The following CCDC88C variants were observed in gnomAD, a reference collection of about 807,000 sequenced individuals.
CCDC88C encodes coiled-coil and HOOK domain protein 88C, also known as protein Daple.
Under a neutral mutation model 198.8 loss-of-function variants are expected in CCDC88C, and 131 were observed. That is an observed-to-expected ratio of 0.66 (90% CI 0.57 to 0.76). The LOEUF is 0.76. Among genes scored for constraint, CCDC88C ranks in the 30% least tolerant of loss-of-function variants. The pLI is 0.00. For synonymous variants in CCDC88C, 1,166 were observed against 1,114.7 expected, an observed-to-expected ratio of 1.05 and a Z score of -0.92; for missense variants, 2,553 against 2,631.6, an observed-to-expected ratio of 0.97 and a Z score of 0.65.
Position 91,273,395 on chromosome 14 carries a change from G to C in CCDC88C, c.5317C>G (p.Pro1773Ala). 6.5e-7 allele frequency: 1 copy of C among 1,538,574 alleles called. No individual in the cohort carries two copies. Among genetic ancestry groups the C allele is most frequent in the African/African-American group, 1.4e-5 (1 of 72,678 alleles). ...PPSVAPRQAQ[P>A]PQSLSLGRPR... ...CTGCCCAGAGACAGGCTCTGGGGAG[G>C]CTGGGCCTGTCTCGGGGCCACGCTG... Residue 1773 changes from proline (P) to alanine (A), a missense_variant, in exon 30 of 30, where the codon CCT becomes GCT. Pro to Ala is a conservative substitution (Grantham distance 27). Around this residue, in one of 2 missense-constraint regions of CCDC88C, gnomAD observed 1,293 missense variants for 1,219.6 expected, o/e 1.06. Transcript: ENST00000389857. This position sits in a 1 kb window ranked among gnomAD's most constrained non-coding sequence, Gnocchi z 5.6.
At chr14:91,300,156 C>T (rs1891207876) in intron 20 of CCDC88C, 86 bp from the exon 21 acceptor site, 7 of 1,518,102 alleles carry the variant, frequency 4.6e-6, no homozygotes, top group Admixed American at 4.0e-5. Flanking sequence ...CTGCGTGCCT[C>T]CCGTGAGAAA....
Position 91,289,328 on chromosome 14 carries a change from A to G in CCDC88C, c.4218T>C (p.Ile1406=). The G allele has an allele frequency of 6.2e-7, 1 of 1,614,026 alleles. No individual in the cohort carries two copies. Among genetic ancestry groups the G allele is most frequent in the Non-Finnish European group, 8.5e-7 (1 of 1,179,878 alleles). Residue 1406 remains isoleucine (I), a synonymous_variant, in exon 25 of 30, where the codon ATT becomes ATC. Transcript: ENST00000389857. ...TGAGTTTGACTAAGGCTTTGGCTCC[A>G]ATCCAGTGGTTCTTCCTGGTTAGAA... is the stretch of plus-strand genomic sequence containing the variant. ...DPPPKKKNHW[I]GAKALVKLIK...
chr14:91,272,351 C>A lies in CCDC88C; in HGVS notation c.*274G>T. ...GGGGAAGTCAGTTTGTCATTGCATC[C>A]TAATTGGTCCCCATGCTGACGTGGA... On this transcript the variant is annotated 3_prime_UTR_variant, in exon 30 of 30. Coordinates refer to ENST00000389857, the MANE Select transcript of CCDC88C (RefSeq NM_001080414.4). The A allele has an allele frequency of 2.1e-6, 1 of 471,074 alleles. No individual in the cohort carries two copies. The highest frequency in any genetic ancestry group is 2.0e-5 in the African/African-American group (1 of 49,764). 29.2% of individuals were successfully genotyped at this position (471,074 alleles called of 1,614,324 possible).
chr14:91,318,970 T>C (rs541229311), intron 13 of CCDC88C, among the ~76,000 whole-genome samples: 1 of 150,128 alleles, frequency 6.7e-6, no homozygotes, highest in East Asian at 2.0e-4. Context: ...CCAGGTGTCC[T>C]GCCACAGTCA....
At chr14:91,393,680 C>A (rs1226726935) in intron 3 of CCDC88C, among the ~76,000 whole-genome samples, 1 of 152,162 alleles carries the variant, frequency 6.6e-6, no homozygotes, top group Non-Finnish European at 1.5e-5. Context: ...ATGGTGAAAC[C>A]CCATCTCTAC....
chr14:91,342,566 C>T lies in CCDC88C; in HGVS notation c.400-103G>A, dbSNP rs140078427. On this transcript the variant is annotated intron_variant, in intron 5 of 29. Transcript: ENST00000389857. ...CAGTTTCAAAAGGAACCACCCACCCCGGGCTTCTCCTTCATAACTAAGAAC... is the reference window on the plus strand; with the variant it reads ...CAGTTTCAAAAGGAACCACCCACCCTGGGCTTCTCCTTCATAACTAAGAAC... The T allele has an allele frequency of 2.0e-3, 1,545 of 755,770 alleles. 75 individuals carry two copies. The East Asian group carries it at 0.041, about 20-fold the overall frequency. The allele number at this position is 755,770 out of a possible 1,614,324, so 46.8% of individuals were successfully genotyped here.
At chr14:91,296,250 G>A (rs1441363412) in intron 22 of CCDC88C, among the ~76,000 whole-genome samples, 2 of 152,234 alleles carry the variant, frequency 1.3e-5, no homozygotes, top group Non-Finnish European at 2.9e-5. Flanking sequence ...CTCGTGACCT[G>A]TGTTCCACCC....
chr14:91,344,646 G>C (rs1049677412), intron 4 of CCDC88C, among the ~76,000 whole-genome samples: 11 of 151,544 alleles, frequency 7.3e-5, no homozygotes, highest in African/African-American at 2.4e-4. Flanking sequence ...CGAGTAGCTG[G>C]GACTACAGGC....
chr14:91,405,954 C>T (rs1324480508), intron 3 of CCDC88C, among the ~76,000 whole-genome samples: 3 of 152,276 alleles, frequency 2.0e-5, no homozygotes, highest in South Asian at 2.1e-4. Flanking sequence ...TGAGCTGGGC[C>T]GAGACTGCCA....
At chr14:91,372,542 C>G (rs868508569) in intron 3 of CCDC88C, among the ~76,000 whole-genome samples, 1,540 of 15,458 alleles carry the variant, frequency 0.1, 84 homozygotes, top group African/African-American at 0.22. Context: ...GGGGGGCGGG[C>G]GGGGGGGGGA....
intron 3 of CCDC88C, among the ~76,000 whole-genome samples, chr14:91,387,331 C>T (rs1050528673): frequency 3.9e-5 from 6 of 152,192 alleles, no homozygotes; most frequent in Non-Finnish European, 8.8e-5. Context: ...TGGAGAGTGC[C>T]AACGTCCGGG....
chr14:91,316,708 G>A (rs80239158), intron 13 of CCDC88C, among the ~76,000 whole-genome samples: 5,349 of 152,236 alleles, frequency 0.035, 318 homozygotes, highest in African/African-American at 0.12. Flanking sequence ...CACTGTGCCC[G>A]GCCAACCCTT....
At chr14:91,364,758 G>A (rs1357661368) in intron 3 of CCDC88C, among the ~76,000 whole-genome samples, 1 of 152,182 alleles carries the variant, frequency 6.6e-6, no homozygotes, top group East Asian at 1.9e-4. Flanking sequence ...GAAGCAAACT[G>A]AAGGTGGCCC....
chr14:91,394,924 G>T (rs1341886915), intron 3 of CCDC88C, among the ~76,000 whole-genome samples: 1 of 152,094 alleles, frequency 6.6e-6, no homozygotes, highest in East Asian at 1.9e-4. Context: ...ACGGGCCTTG[G>T]GTGGGGGGCC....
intron 3 of CCDC88C, among the ~76,000 whole-genome samples, chr14:91,374,699 C>G (rs1053717917): frequency 6.6e-6 from 1 of 152,248 alleles, no homozygotes; most frequent in African/African-American, 2.4e-5. Context: ...TTCCAACAGT[C>G]TGGCAGCATC....
chr14:91,368,486 T>C lies in CCDC88C; in HGVS notation c.271-8775A>G, dbSNP rs149207600. Among the ~76,000 whole-genome samples, 360 of 152,316 alleles carry C rather than the reference T, an allele frequency of 2.4e-3. 4 individuals carry two copies. Among genetic ancestry groups the C allele is most frequent in the Admixed American group, 5.7e-3 (87 of 15,290 alleles). On this transcript the variant is annotated intron_variant, in intron 3 of 29. Coordinates refer to ENST00000389857, the MANE Select transcript of CCDC88C (RefSeq NM_001080414.4). ...TCCAACTGTAAAATCCCAAATGCAA[T>C]AGTTTTATGAGCAAACTAAGCAAAA...
rs1193307313 is a variant in CCDC88C at position 91,313,905 on chromosome 14, T to G, written c.1911A>C (p.Leu637=). 3 of 1,611,396 alleles carry G rather than the reference T, an allele frequency of 1.9e-6. No homozygotes were observed. The South Asian group carries it at 3.3e-5, about 18-fold the overall frequency. The part of the protein sequence containing the change: ...GERAEKLERE[L]QRLQEENGRL... The stretch of plus-strand genomic sequence containing the variant: ...TCCCGTTCTCCTCCTGGAGTCGCTG[T>G]AGCTCCCTCTCCAGCTTCTCTGCCC... Residue 637 remains leucine, a synonymous_variant, in exon 15 of 30, where the codon CTA becomes CTC. Transcript: ENST00000389857. This position sits in a 1 kb window ranked among gnomAD's most constrained non-coding sequence, Gnocchi z 5.2.
At chr14:91,304,118 G>T in intron 19 of CCDC88C, 140 bp from the exon 20 acceptor site, 1 of 947,194 alleles carries the variant, frequency 1.1e-6, no homozygotes, top group Non-Finnish European at 1.6e-6. Flanking sequence ...CAGGATGGCT[G>T]TTCCAGAACT....
chr14:91,413,329 C>CCAT (rs147275419), intron 2 of CCDC88C, among the ~76,000 whole-genome samples: 342 of 152,274 alleles, frequency 2.2e-3, no homozygotes, highest in African/African-American at 7.9e-3. Flanking sequence ...TGGTAAAATA[C>CCAT]CATCCCCTTA....
Sources: gnomAD v4.1 joint callset for allele counts (sites outside exome capture counted in the v4.1 genomes callset) on GRCh38, gnomAD v4.1.1 for gene constraint, gnomAD v4.1.1 regional missense constraint, Gnocchi (gnomAD v3.1) non-coding constraint, MANE v1.5 for transcripts, NCBI Gene and HGNC (gene_info 2026-07-23, HGNC 2026-07-21) for gene names.